The following MYOF variants were observed in gnomAD, a reference collection of about 807,000 sequenced individuals.
MYOF encodes fer-1-like 3, myoferlin.
A neutral mutation model predicts 284.2 loss-of-function variants in MYOF; 244 were observed. The observed-to-expected ratio is 0.86, with a 90% CI of 0.77 to 0.95. The LOEUF (loss-of-function observed/expected upper bound fraction) is 0.95. Among genes scored for constraint, MYOF ranks in the 40% least tolerant of loss-of-function variants. MYOF has a pLI of 0.00. For missense variants in MYOF, 2,496 were observed against 2,560.6 expected (o/e 0.97, Z 0.54); for synonymous variants, 904 against 919.7 (o/e 0.98, Z 0.31).
chr10:93,446,435 C>T (rs1212396012), intron 3 of MYOF, among the ~76,000 whole-genome samples: 1 of 152,118 alleles, frequency 6.6e-6, no homozygotes, highest in East Asian at 1.9e-4. Context: ...TCAGAAAGTG[C>T]CTTGAAGCAG....
At chr10:93,453,291 G>A (rs546542929) in intron 2 of MYOF, among the ~76,000 whole-genome samples, 21 of 152,092 alleles carry the variant, frequency 1.4e-4, no homozygotes, top group African/African-American at 4.8e-5. Flanking sequence ...TCAGCCTCCC[G>A]AATAGCTGGG....
chr10:93,407,185 G>A (rs1847636997), intron 7 of MYOF, among the ~76,000 whole-genome samples: 3 of 152,142 alleles, frequency 2.0e-5, no homozygotes, highest in South Asian at 2.1e-4. Flanking sequence ...CAGCACTTTG[G>A]GAGGCCAAGG....
chr10:93,460,777 A>G (rs1439644937), intron 1 of MYOF, among the ~76,000 whole-genome samples: 1 of 107,420 alleles, frequency 9.3e-6, no homozygotes. Flanking sequence ...CAAAAAAAAA[A>G]AAAAAAAAGA....
chr10:93,310,708 C>G (rs1842345300), intron 51 of MYOF, 65 bp from the exon 52 acceptor site: 13 of 1,421,336 alleles, frequency 9.1e-6, no homozygotes, highest in Non-Finnish European at 1.3e-5. Context: ...TACTTCAACC[C>G]AAGGAGTATT....
At position 93,310,203 on chromosome 10, in the gene MYOF, C is replaced by G. The variant is rs200888255; in HGVS notation, c.6000-36G>C. 1.3e-3 allele frequency: 2,159 copies of G among 1,605,798 alleles called. 2 individuals are homozygous for G. Among genetic ancestry groups the G allele is most frequent in the Non-Finnish European group, 1.7e-3 (2,021 of 1,173,292 alleles). On this transcript the variant is annotated intron_variant, in intron 52 of 53. Transcript: ENST00000359263. ...AAGAAACAGTATCACCTACCCAACT[C>G]AGGAGGGATGCATATTTTATTCCAG...
rs181999030 is a variant in MYOF at position 93,406,053 on chromosome 10, G to A, written c.730-1834C>T. Among the ~76,000 whole-genome samples, 735 of 150,972 alleles carry A rather than the reference G, an allele frequency of 4.9e-3. 8 individuals carry two copies. The highest frequency in any genetic ancestry group is 0.017 in the African/African-American group (696 of 41,390). ...GCTCACTGCAACCTCCGCCTCCCAG[G>A]TTCAAGCAATTCTCCTACCTCAGCC... On this transcript the variant is annotated intron_variant, in intron 7 of 53. Coordinates refer to ENST00000359263, the MANE Select transcript of MYOF (RefSeq NM_013451.4).
intron 10 of MYOF, 41 bp from the exon 11 acceptor site, chr10:93,402,388 AAG>A: frequency 5.4e-6 from 8 of 1,485,012 alleles, no homozygotes; most frequent in Non-Finnish European, 7.5e-6. Context: ...ACATGCTAAA[AAG>A]GTACTGATAA....
At chr10:93,334,170 G>A (rs1248051012) in intron 41 of MYOF, among the ~76,000 whole-genome samples, 1 of 151,686 alleles carries the variant, frequency 6.6e-6, no homozygotes, top group African/African-American at 2.4e-5. Flanking sequence ...ATGGGCCAGT[G>A]TGATGGAGGA....
chr10:93,320,924 T>C (rs1052730546), intron 48 of MYOF, among the ~76,000 whole-genome samples: 6 of 152,110 alleles, frequency 3.9e-5, no homozygotes, highest in African/African-American at 1.4e-4. Flanking sequence ...GGAAAAACTC[T>C]CTGAGCCTCA....
chr10:93,332,564 A>C (rs35651052), intron 43 of MYOF, among the ~76,000 whole-genome samples: 1 of 150,626 alleles, frequency 6.6e-6, no homozygotes, highest in Admixed American at 6.6e-5. Context: ...ACTGAGTCTC[A>C]GCCTGTCGCG....
intron 44 of MYOF, among the ~76,000 whole-genome samples, chr10:93,329,346 T>C (rs1385754089): frequency 6.6e-6 from 1 of 152,198 alleles, no homozygotes; most frequent in Non-Finnish European, 1.5e-5. Context: ...CTATCAAACG[T>C]TGCCAGTCCT....
At chr10:93,341,452 T>G (rs1843907277) in intron 38 of MYOF, among the ~76,000 whole-genome samples, 1 of 152,054 alleles carries the variant, frequency 6.6e-6, no homozygotes, top group South Asian at 2.1e-4. Context: ...ATTTTTTGTA[T>G]TTTTAGTAGA....
chr10:93,390,471 G>A (rs926223750), intron 17 of MYOF, among the ~76,000 whole-genome samples: 4 of 152,234 alleles, frequency 2.6e-5, no homozygotes, highest in Admixed American at 6.5e-5. Flanking sequence ...GATGCCACAT[G>A]TCACACTTGT....
chr10:93,347,657 G>A lies in MYOF; in HGVS notation c.4209C>T (p.Asp1403=). The A allele has an allele frequency of 6.2e-7, 1 of 1,613,920 alleles. No homozygotes were observed. Among genetic ancestry groups the A allele is most frequent in the Non-Finnish European group, 8.5e-7 (1 of 1,180,014 alleles). Residue 1403 remains aspartate, a synonymous_variant, in exon 37 of 54, where the codon GAC becomes GAT. Coordinates refer to ENST00000359263, the MANE Select transcript of MYOF (RefSeq NM_013451.4). ...TIERLDRFRC[D]PYAGKEDIVP... ...CGATGTCCTCTTTCCCTGCATAAGG[G>A]TCACAGCGAAAGCGGTCCAGGCGCT...
At chr10:93,313,336 A>G (rs773909071) in intron 50 of MYOF, 126 bp from the exon 51 acceptor site, 38 of 830,822 alleles carry the variant, frequency 4.6e-5, no homozygotes, top group Non-Finnish European at 6.6e-5. Flanking sequence ...ATGGTGAGTT[A>G]GAGAAAGGGA....
intron 3 of MYOF, among the ~76,000 whole-genome samples, chr10:93,445,628 G>A (rs2056407988): frequency 6.6e-6 from 1 of 152,218 alleles, no homozygotes; most frequent in Non-Finnish European, 1.5e-5. Context: ...TGCCTGAGGG[G>A]TGGGGAGGTG....
intron 50 of MYOF, among the ~76,000 whole-genome samples, chr10:93,316,080 G>A (rs1842599292): frequency 6.6e-6 from 1 of 151,948 alleles, no homozygotes; most frequent in Non-Finnish European, 1.5e-5. Flanking sequence ...AGCTATGATC[G>A]TGCCACTGCA....
chr10:93,465,538 C>CTTTTTTTTTTTTTT lies in MYOF; in HGVS notation c.89-8615_89-8602dup, dbSNP rs71031511. ...CTTTTTTCTTTCTTTTTTTTCTTTT[C>CTTTTTTTTTTTTTT]TTTTTTTTTTTTTTTGAGATGACTG... is the stretch of plus-strand genomic sequence containing the variant. On this transcript the variant is annotated intron_variant, in intron 1 of 53. Coordinates refer to ENST00000359263, the MANE Select transcript of MYOF (RefSeq NM_013451.4). Among the ~76,000 whole-genome samples, 26 of 112,158 alleles carry CTTTTTTTTTTTTTT rather than the reference C, an allele frequency of 2.3e-4. 1 individual carries two copies. The highest frequency in any genetic ancestry group is 6.3e-4 in the African/African-American group (19 of 29,940). The allele number at this position is 112,158 out of a possible 152,430, so 73.6% of individuals were successfully genotyped here.
chr10:93,397,552 C>T, intron 13 of MYOF, 96 bp from the exon 14 acceptor site: 1 of 783,560 alleles, frequency 1.3e-6, no homozygotes. Context: ...TAGCAGTTTA[C>T]TTATATACTT....
Sources: gnomAD v4.1 joint callset for allele counts (sites outside exome capture counted in the v4.1 genomes callset) on GRCh38, gnomAD v4.1.1 for gene constraint, MANE v1.5 for transcripts, NCBI Gene and HGNC (gene_info 2026-07-23, HGNC 2026-07-21) for gene names.